The following CA8 variants were observed in gnomAD, a reference collection of about 807,000 sequenced individuals.
The protein encoded by CA8 is carbonic anhydrase-related protein.
In CA8, 22 loss-of-function variants were observed where a neutral mutation model predicts 41.4. That is an observed-to-expected ratio of 0.53 (90% CI 0.38 to 0.76). The LOEUF is 0.76. Among genes scored for constraint, CA8 ranks in the 30% least tolerant of loss-of-function variants. The pLI is 0.00. For synonymous variants in CA8, 121 were observed against 130.6 expected, an observed-to-expected ratio of 0.93 and a Z score of 0.50; for missense variants, 270 against 352.8, an observed-to-expected ratio of 0.77 and a Z score of 1.88.
chr8:60,244,380 G>A (rs561423532), intron 3 of CA8, among the ~76,000 whole-genome samples: 7 of 152,220 alleles, frequency 4.6e-5, no homozygotes, highest in East Asian at 3.9e-4. Context: ...ATCTGCCCAC[G>A]AGGTACAGTC....
intron 8 of CA8, among the ~76,000 whole-genome samples, chr8:60,194,336 C>T (rs376228826): frequency 2.4e-4 from 37 of 152,072 alleles, no homozygotes; most frequent in African/African-American, 8.7e-4. Context: ...CGGAGGGCAC[C>T]GTGGAGGCCT....
At chr8:60,238,737 T>C (rs1244976460) in intron 3 of CA8, among the ~76,000 whole-genome samples, 1 of 152,126 alleles carries the variant, frequency 6.6e-6, no homozygotes, top group Non-Finnish European at 1.5e-5. Context: ...GACTTACATT[T>C]CTCAAACCAC....
chr8:60,203,309 G>A (rs1806486852), intron 8 of CA8, among the ~76,000 whole-genome samples: 7 of 152,066 alleles, frequency 4.6e-5, no homozygotes, highest in Admixed American at 4.6e-4. Context: ...AAAACTGAAG[G>A]TCAGGTAAAA....
At chr8:60,203,914 A>G (rs1806503318) in intron 8 of CA8, among the ~76,000 whole-genome samples, 1 of 152,200 alleles carries the variant, frequency 6.6e-6, no homozygotes, top group Non-Finnish European at 1.5e-5. Flanking sequence ...GAGACACAGG[A>G]AAGCATATTC....
intron 7 of CA8, among the ~76,000 whole-genome samples, chr8:60,213,731 T>A (rs1806920133): frequency 6.6e-6 from 1 of 152,032 alleles, no homozygotes; most frequent in Non-Finnish European, 1.5e-5. Context: ...ATACACTATT[T>A]GAATTAATTT....
intron 3 of CA8, among the ~76,000 whole-genome samples, chr8:60,238,033 T>A (rs908907685): frequency 2.6e-5 from 4 of 152,198 alleles, no homozygotes; most frequent in African/African-American, 9.6e-5. Flanking sequence ...GAGCTTTTGC[T>A]ACAGGACTCA....
intron 4 of CA8, among the ~76,000 whole-genome samples, chr8:60,230,177 C>T (rs557749016): frequency 4.1e-4 from 63 of 152,316 alleles, no homozygotes; most frequent in African/African-American, 1.1e-3. Flanking sequence ...ACCTACAAAT[C>T]GGCCCCATGT....
chr8:60,244,958 T>A (rs749964906), intron 3 of CA8, among the ~76,000 whole-genome samples: 1 of 152,184 alleles, frequency 6.6e-6, no homozygotes, highest in African/African-American at 2.4e-5. Context: ...TAAGTGACCT[T>A]GGGCAACTAA....
intron 3 of CA8, among the ~76,000 whole-genome samples, chr8:60,261,462 G>A (rs1435863235): frequency 6.6e-6 from 1 of 152,182 alleles, no homozygotes. Context: ...AGGCAAGAAA[G>A]TCAGGTTCCC....
chr8:60,274,423 C>CTAAG (rs1175953086), intron 2 of CA8, among the ~76,000 whole-genome samples: 1 of 152,138 alleles, frequency 6.6e-6, no homozygotes, highest in African/African-American at 2.4e-5. Flanking sequence ...AAGCTAAAAG[C>CTAAG]TAAGTAACTA....
At chr8:60,246,282 G>GC (rs1563366858) in intron 3 of CA8, among the ~76,000 whole-genome samples, 2 of 61,812 alleles carry the variant, frequency 3.2e-5, no homozygotes, top group African/African-American at 1.1e-4. Flanking sequence ...ATGCATTTCT[G>GC]GGGGGGGTTG....
intron 8 of CA8, among the ~76,000 whole-genome samples, chr8:60,191,840 A>G (rs1221389952): frequency 6.6e-6 from 1 of 152,156 alleles, no homozygotes; most frequent in Non-Finnish European, 1.5e-5. Context: ...GTCAGGTCTC[A>G]AGCCAAAGCA....
At chr8:60,218,747 G>A (rs1807119604) in intron 7 of CA8, among the ~76,000 whole-genome samples, 1 of 152,194 alleles carries the variant, frequency 6.6e-6, no homozygotes, top group East Asian at 1.9e-4. Flanking sequence ...GTATCCTCGA[G>A]ACAAATTGTA....
rs572747179 is a variant in CA8, at chr8:60,270,140, T to C, written c.293-4091A>G. ...CTGGGATTTCTCCTGTCCAGAACCA[T>C]TGAGGGCTTTTAATCAGGGGACTAA... On this transcript the variant is annotated intron_variant, in intron 2 of 8. Transcript: ENST00000317995. Among the ~76,000 whole-genome samples the C allele has an allele frequency of 8.5e-5, 13 of 152,324 alleles. No individual in the cohort carries two copies. In the South Asian group the frequency reaches 1.9e-3, roughly 22 times the overall value.
intron 8 of CA8, among the ~76,000 whole-genome samples, chr8:60,194,113 G>GT (rs997313400): frequency 5.4e-5 from 8 of 148,822 alleles, no homozygotes; most frequent in East Asian, 3.9e-4. Flanking sequence ...ATAGCACCCT[G>GT]TTTTTTTTGT....
chr8:60,212,381 A>G (rs1188716318), intron 7 of CA8, among the ~76,000 whole-genome samples: 2 of 152,264 alleles, frequency 1.3e-5, no homozygotes, highest in Non-Finnish European at 2.9e-5. Flanking sequence ...AAAGAGAAAT[A>G]CAACACATAA....
chr8:60,225,266 T>A (rs1276271830), intron 5 of CA8, among the ~76,000 whole-genome samples: 1 of 152,190 alleles, frequency 6.6e-6, no homozygotes, highest in Non-Finnish European at 1.5e-5. Flanking sequence ...AGTCCTGTCA[T>A]GTGACTCAGA....
intron 5 of CA8, among the ~76,000 whole-genome samples, chr8:60,226,242 C>G (rs947699884): frequency 9.2e-5 from 14 of 152,166 alleles, no homozygotes; most frequent in Non-Finnish European, 2.9e-5. Context: ...ATATAAAGGC[C>G]TGTCTTCAGG....
chr8:60,223,663 A>C (rs1338124493), intron 6 of CA8, among the ~76,000 whole-genome samples: 1 of 152,214 alleles, frequency 6.6e-6, no homozygotes, highest in Non-Finnish European at 1.5e-5. Context: ...ATCATATTAC[A>C]ATAAAACAAA....
Sources: allele counts gnomAD v4.1 joint callset (sites outside exome capture counted in the v4.1 genomes callset), GRCh38; gene constraint gnomAD v4.1.1; transcripts MANE v1.5; gene names NCBI Gene and HGNC (gene_info 2026-07-23, HGNC 2026-07-21).